The following SYT16 variants were observed in gnomAD, a reference collection of about 807,000 sequenced individuals.
The protein encoded by SYT16 is synaptotagmin 16.
Under a neutral mutation model 61.4 loss-of-function variants are expected in SYT16, and 42 were observed. The observed-to-expected ratio is 0.68, with a 90% CI of 0.53 to 0.89. The LOEUF is 0.89. SYT16 is among the 40% of genes least tolerant of loss of function. SYT16 has a pLI of 0.00. For synonymous variants in SYT16, 314 were observed against 302.3 expected (o/e 1.04, Z -0.40); for missense variants, 804 against 807.3 (o/e 1.00, Z 0.05).
intron 1 of SYT16, among the ~76,000 whole-genome samples, chr14:61,949,989 T>G (rs2050606618): frequency 6.6e-6 from 1 of 152,228 alleles, no homozygotes; most frequent in Non-Finnish European, 1.5e-5. Context: ...TTTTAGTTCT[T>G]GTCTACTTTG....
Position 62,107,033 on chromosome 14 carries a change from C to T in SYT16, c.*6326C>T, listed in dbSNP as rs2057526332. 1 of 151,536 alleles carries T rather than the reference C, an allele frequency of 6.6e-6. No homozygotes were observed. The highest frequency in any genetic ancestry group is 2.1e-4 in the South Asian group (1 of 4,782). The allele number at this position is 151,536 out of a possible 1,614,324, so 9.4% of individuals were successfully genotyped here. A position where few individuals can be genotyped will look rare whatever the true frequency, so the allele number is the denominator to read the frequency against. ...TGAGGATGATGAGAAGGCTGACTTC[C>T]TATTGTATTGCCATATTTATGCATT... On this transcript the variant is annotated 3_prime_UTR_variant, in exon 8 of 8. Coordinates refer to ENST00000683842, the MANE Select transcript of SYT16 (RefSeq NM_001367656.1).
At chr14:62,063,318 C>A (rs1313127811) in intron 3 of SYT16, among the ~76,000 whole-genome samples, 2 of 152,186 alleles carry the variant, frequency 1.3e-5, no homozygotes, top group Non-Finnish European at 2.9e-5. Flanking sequence ...CCACAAAGGG[C>A]AGTGACATGA....
intron 2 of SYT16, among the ~76,000 whole-genome samples, chr14:61,984,221 A>G (rs766645774): frequency 1.3e-5 from 2 of 152,150 alleles, no homozygotes; most frequent in Non-Finnish European, 2.9e-5. Flanking sequence ...TCTTTAGTCT[A>G]TGTTGGAAAG....
At chr14:62,038,714 G>A (rs1213855119) in intron 3 of SYT16, among the ~76,000 whole-genome samples, 1 of 152,140 alleles carries the variant, frequency 6.6e-6, no homozygotes, top group Non-Finnish European at 1.5e-5. Flanking sequence ...TGTTGACCCA[G>A]CAGGAAAATG....
intron 3 of SYT16, among the ~76,000 whole-genome samples, chr14:62,046,648 A>C (rs1448197057): frequency 6.6e-6 from 1 of 152,196 alleles, no homozygotes; most frequent in Non-Finnish European, 1.5e-5. Flanking sequence ...TAAGGAAGGG[A>C]TCCAGTTTCA....
chr14:61,930,801 C>A (rs1041039427), intron 1 of SYT16, among the ~76,000 whole-genome samples: 15 of 152,138 alleles, frequency 9.9e-5, no homozygotes, highest in African/African-American at 3.4e-4. Context: ...AAGAAGAACT[C>A]CACTAGCTGT....
At chr14:61,983,353 T>A (rs991457416) in intron 2 of SYT16, among the ~76,000 whole-genome samples, 1 of 152,208 alleles carries the variant, frequency 6.6e-6, no homozygotes, top group Non-Finnish European at 1.5e-5. Context: ...ATGGCAAGCT[T>A]GTGTTATTTT....
chr14:61,906,787 G>GTCCGTCCATCCATCCATCCATCCATCCA (rs375002498), intron 1 of SYT16, among the ~76,000 whole-genome samples: 1 of 142,316 alleles, frequency 7.0e-6, no homozygotes, highest in Non-Finnish European at 1.5e-5. Context: ...CCGTCCGTCC[G>GTCCGTCCATCCATCCATCCATCCATCCA]TCCATCCATC....
intron 3 of SYT16, among the ~76,000 whole-genome samples, chr14:62,006,566 A>C (rs1302027992): frequency 6.6e-6 from 1 of 152,162 alleles, no homozygotes. Context: ...CTGGGCACTT[A>C]CTAAGGACCT....
At chr14:61,842,992 C>T (rs1164816482) in intron 1 of SYT16, among the ~76,000 whole-genome samples, 1 of 152,096 alleles carries the variant, frequency 6.6e-6, no homozygotes, top group East Asian at 1.9e-4. Flanking sequence ...GTGATGGACA[C>T]TTAGGTTGCT....
intron 1 of SYT16, among the ~76,000 whole-genome samples, chr14:61,957,897 A>G (rs2050946464): frequency 6.6e-6 from 1 of 151,890 alleles, no homozygotes; most frequent in South Asian, 2.1e-4. Flanking sequence ...AATGTTTGTT[A>G]GAATAAACTT....
At chr14:61,947,326 G>C (rs1427877714) in intron 1 of SYT16, among the ~76,000 whole-genome samples, 1 of 144,156 alleles carries the variant, frequency 6.9e-6, no homozygotes, top group Admixed American at 7.2e-5. Flanking sequence ...GTAAAATGAA[G>C]GGTTGAGTCA....
chr14:61,884,889 T>A (rs2047840851), intron 1 of SYT16, among the ~76,000 whole-genome samples: 1 of 152,094 alleles, frequency 6.6e-6, no homozygotes, highest in African/African-American at 2.4e-5. Flanking sequence ...CATTGAAAAG[T>A]CTCCAGAAGA....
intron 1 of SYT16, among the ~76,000 whole-genome samples, chr14:61,930,579 A>C (rs1011769855): frequency 6.6e-5 from 10 of 152,010 alleles, no homozygotes; most frequent in African/African-American, 2.4e-4. Flanking sequence ...TAGTAGGCCG[A>C]ATAGTGCCCC....
chr14:62,021,846 A>G (rs1485636169), intron 3 of SYT16, among the ~76,000 whole-genome samples: 1 of 152,188 alleles, frequency 6.6e-6, no homozygotes, highest in Non-Finnish European at 1.5e-5. Flanking sequence ...GCAGTCTGTT[A>G]AAACTTTTAG....
intron 1 of SYT16, among the ~76,000 whole-genome samples, chr14:61,862,333 C>T (rs2046990565): frequency 1.3e-5 from 2 of 152,168 alleles, no homozygotes; most frequent in Admixed American, 6.5e-5. Context: ...ATAGTTTTGT[C>T]TTCTCTAAAA....
At chr14:62,063,810 T>C (rs17099470) in intron 3 of SYT16, among the ~76,000 whole-genome samples, 12,187 of 152,268 alleles carry the variant, frequency 0.08, 775 homozygotes, top group African/African-American at 0.18. Flanking sequence ...GTCAAAGTCA[T>C]TAACTGCCTG....
At chr14:62,100,273 A>C in intron 7 of SYT16, 121 bp from the exon 8 acceptor site, 441 of 719,294 alleles carry the variant, frequency 6.1e-4, no homozygotes, top group Non-Finnish European at 9.0e-4. Flanking sequence ...GCTTAAGGAT[A>C]CTGATCAGTA....
chr14:61,893,931 A>T (rs2048228217), intron 1 of SYT16, among the ~76,000 whole-genome samples: 1 of 152,128 alleles, frequency 6.6e-6, no homozygotes, highest in African/African-American at 2.4e-5. Flanking sequence ...TTGTTACCTC[A>T]ACACATCAAA....
Sources: gnomAD v4.1 joint callset for allele counts (sites outside exome capture counted in the v4.1 genomes callset) on GRCh38, gnomAD v4.1.1 for gene constraint, MANE v1.5 for transcripts, NCBI Gene and HGNC (gene_info 2026-07-23, HGNC 2026-07-21) for gene names.